OTOF: variants seen among roughly 807,000 people sequenced by gnomAD.
OTOF encodes the protein fer-1-like family member 2.
OTOF carries 218 observed loss-of-function variants against 236.8 expected under a neutral mutation model. That is an observed-to-expected ratio of 0.92 (90% CI 0.82 to 1.03). The LOEUF is 1.03. Among genes scored for constraint, OTOF ranks in the 50% least tolerant of loss-of-function variants. The pLI is 0.00. For missense variants in OTOF, 2,590 were observed against 2,694.4 expected, an observed-to-expected ratio of 0.96 and a Z score of 0.86; for synonymous variants, 1,041 against 1,072.5, an observed-to-expected ratio of 0.97 and a Z score of 0.57.
chr2:26,465,450 C>T (rs1326132038), intron 38 of OTOF, among the ~76,000 whole-genome samples: 4 of 152,220 alleles, frequency 2.6e-5, no homozygotes, highest in East Asian at 1.9e-4. Context: ...TGTCTCTCCT[C>T]GTCCTGCCTC....
chr2:26,472,628 C>G lies in OTOF; in HGVS notation c.3755G>C (p.Arg1252Pro). 6.2e-7 allele frequency: 1 copy of G among 1,613,136 alleles called. No homozygotes were observed. Among genetic ancestry groups the G allele is most frequent in the Non-Finnish European group, 8.5e-7 (1 of 1,179,908 alleles). The change falls in exon 30 of 47, where the codon CGT (arginine) becomes CCT (proline). Residue 1252 changes from arginine to proline, a missense_variant. By Grantham distance (103) the Arg-to-Pro change is moderately radical. Around this residue, in one of 2 missense-constraint regions of OTOF, gnomAD observed 1,211 missense variants for 1,352.8 expected, o/e 0.90. Transcript: ENST00000272371. ...NTTVRLLRRC[R>P]VLCNGGSSSH... ...GGAGGAGCCCCCATTGCACAGCACACGGCAGCGCCGGAGAAGCCTGACTGG... is the reference window on the plus strand; with the variant it reads ...GGAGGAGCCCCCATTGCACAGCACAGGGCAGCGCCGGAGAAGCCTGACTGG...
At chr2:26,479,231 C>G in intron 18 of OTOF, 33 bp downstream of exon 18, 1 of 1,610,692 alleles carries the variant, frequency 6.2e-7, no homozygotes. Context: ...CCCCCAGGAC[C>G]CCACCCCTGC....
Position 26,465,962 on chromosome 2 carries a change from G to A in OTOF, c.4615C>T (p.Pro1539Ser). The A allele has an allele frequency of 6.2e-7, 1 of 1,614,268 alleles. No homozygotes were observed. The highest frequency in any genetic ancestry group is 8.5e-7 in the Non-Finnish European group (1 of 1,180,048). Reference protein sequence around the residue: ...KENYISKQLNPVFGKSFDIEA... With the variant: ...KENYISKQLNSVFGKSFDIEA... ...AAGAAGCCTTACTTCCCAAAGACAG[G>A]GTTGAGCTGCTTGGAGATGTAGTTC... The change falls in exon 37 of 47, where the codon CCT becomes TCT. Residue 1539 changes from proline to serine, a missense_variant. Transcript: ENST00000272371.
chr2:26,477,697 G>T lies in OTOF; in HGVS notation c.2267C>A (p.Pro756His). 1 of 1,612,692 alleles carries T rather than the reference G, an allele frequency of 6.2e-7. No homozygotes were observed. The highest frequency in any genetic ancestry group is 8.5e-7 in the Non-Finnish European group (1 of 1,179,994). ...QEMIKTEKSY[P>H]ERRLRGVLEE... ...CAGGACGCCCCGCAGGCGACGCTCA[G>T]GGTAGGACTTCTCCGTTTTGATCAT... is the stretch of plus-strand genomic sequence containing the variant. The change falls in exon 19 of 47, where the codon CCT (proline) becomes CAT (histidine). Residue 756 changes from proline (P) to histidine (H), a missense_variant. By Grantham distance (77) the Pro-to-His change is moderately conservative (BLOSUM62 -2). Around this residue, in one of 2 missense-constraint regions of OTOF, gnomAD observed 1,379 missense variants for 1,341.6 expected, o/e 1.03. Coordinates refer to ENST00000272371, the MANE Select transcript of OTOF (RefSeq NM_194248.3). This position sits in a 1 kb window ranked among gnomAD's most constrained non-coding sequence, Gnocchi z 4.7.
At chr2:26,543,342 G>T (rs891543277) in intron 1 of OTOF, among the ~76,000 whole-genome samples, 1 of 152,186 alleles carries the variant, frequency 6.6e-6, no homozygotes, top group African/African-American at 2.4e-5. Flanking sequence ...CAACCCCTTG[G>T]GGTCTCAGAC....
Position 26,461,638 on chromosome 2 carries a change from G to A in OTOF, c.5533+58C>T, listed in dbSNP as rs866748342. On this transcript the variant is annotated intron_variant, in intron 43 of 46. Transcript: ENST00000272371. The surrounding 1 kb of genome is among the most constrained non-coding windows in gnomAD (Gnocchi z 6.2). The stretch of plus-strand genomic sequence containing the variant: ...GGGCTCTCCCTGTCCCCGCCAACCC[G>A]GCCCCTGCCTCTTCTCAGTTCTGGA... 42 of 1,607,530 alleles carry A rather than the reference G, an allele frequency of 2.6e-5. No homozygotes were observed. In the Middle Eastern group the frequency reaches 1.5e-3, roughly 57 times the overall value.
intron 1 of OTOF, among the ~76,000 whole-genome samples, chr2:26,549,199 C>A (rs1667402929): frequency 1.3e-5 from 2 of 152,072 alleles, no homozygotes; most frequent in Admixed American, 1.3e-4. Context: ...AGATAATCTT[C>A]TTATTATTGA....
intron 1 of OTOF, among the ~76,000 whole-genome samples, chr2:26,546,097 A>G (rs781200816): frequency 6.6e-6 from 1 of 152,210 alleles, no homozygotes; most frequent in African/African-American, 2.4e-5. Context: ...TATTTTGTAT[A>G]TGTATTATGT....
intron 36 of OTOF, 83 bp downstream of exon 36, chr2:26,466,631 C>G: frequency 6.5e-7 from 1 of 1,531,214 alleles, no homozygotes; most frequent in Non-Finnish European, 9.0e-7. Flanking sequence ...ACCATTGCAC[C>G]TGGCCAGTAT....
intron 18 of OTOF, chr2:26,478,128 G>GTGA: frequency 1.9e-6 from 2 of 1,080,302 alleles, no homozygotes; most frequent in Non-Finnish European, 2.4e-6. Flanking sequence ...GAATGCTGGA[G>GTGA]CCTGTGGCAG....
At chr2:26,522,717 G>A (rs764850665) in intron 3 of OTOF, among the ~76,000 whole-genome samples, 2 of 152,236 alleles carry the variant, frequency 1.3e-5, no homozygotes, top group Non-Finnish European at 2.9e-5. Flanking sequence ...ACTGGCCCGG[G>A]TGTCAGGAGG....
At chr2:26,518,892 C>A (rs954728868) in intron 4 of OTOF, 118 bp downstream of exon 4, 5 of 766,638 alleles carry the variant, frequency 6.5e-6, no homozygotes, top group South Asian at 4.4e-5. Flanking sequence ...CCTCCTCCTG[C>A]GACACCTCGC....
At chr2:26,466,893 C>A in intron 35 of OTOF, 42 bp from the exon 36 acceptor site, 2 of 1,613,872 alleles carry the variant, frequency 1.2e-6, no homozygotes, top group East Asian at 4.5e-5. Context: ...GTTTGCCTGG[C>A]AAGGGTGGCA....
intron 1 of OTOF, 145 bp from the exon 2 acceptor site, chr2:26,537,919 G>C: frequency 2.8e-6 from 2 of 706,838 alleles, no homozygotes; most frequent in East Asian, 2.7e-5. Context: ...ACCTCTCCCA[G>C]GGTGAGGCCA....
intron 8 of OTOF, among the ~76,000 whole-genome samples, chr2:26,499,031 T>G (rs1369714173): frequency 6.6e-6 from 1 of 151,912 alleles, no homozygotes; most frequent in Non-Finnish European, 1.5e-5. Context: ...GGCAGGGGCA[T>G]GAAATGGAGG....
chr2:26,536,419 G>A (rs962024931), intron 2 of OTOF, among the ~76,000 whole-genome samples: 6 of 152,166 alleles, frequency 3.9e-5, no homozygotes, highest in African/African-American at 1.4e-4. Flanking sequence ...TAGCAGTGGG[G>A]ACGTACCAGG....
At chr2:26,488,014 A>G (rs552246324) in intron 11 of OTOF, among the ~76,000 whole-genome samples, 98 of 152,296 alleles carry the variant, frequency 6.4e-4, no homozygotes, top group South Asian at 2.1e-3. Flanking sequence ...AGGCTGGACT[A>G]GATGTTTTTC....
chr2:26,483,342 G>A, intron 13 of OTOF, 120 bp downstream of exon 13: 1 of 937,702 alleles, frequency 1.1e-6, no homozygotes, highest in Non-Finnish European at 1.7e-6. Context: ...GTCCGTCCCT[G>A]GCCAACATGA....
intron 1 of OTOF, among the ~76,000 whole-genome samples, chr2:26,538,498 C>T (rs1667131528): frequency 6.6e-6 from 1 of 152,240 alleles, no homozygotes; most frequent in Non-Finnish European, 1.5e-5. Context: ...CCATACGCCA[C>T]CCACTAGGGC....
Sources: gnomAD v4.1 joint callset for allele counts (sites outside exome capture counted in the v4.1 genomes callset) on GRCh38, gnomAD v4.1.1 for gene constraint, gnomAD v4.1.1 regional missense constraint, Gnocchi (gnomAD v3.1) non-coding constraint, MANE v1.5 for transcripts, NCBI Gene and HGNC (gene_info 2026-07-23, HGNC 2026-07-21) for gene names.